The following PIR variants were observed in gnomAD, a reference collection of about 807,000 sequenced individuals.
PIR encodes the protein pirin (iron-binding nuclear protein).
PIR carries 22 observed loss-of-function variants against 24.2 expected under a neutral mutation model. The observed-to-expected ratio is 0.91, with a 90% CI of 0.65 to 1.30. PIR has a LOEUF of 1.30. Ranked by LOEUF, PIR falls within the 50% of genes most tolerant of loss-of-function variation. The pLI, the probability that PIR is intolerant of heterozygous loss-of-function variation, is 0.00. For synonymous variants in PIR, 80 were observed against 79.6 expected (o/e 1.00, Z -0.03); for missense variants, 220 against 220.3 (o/e 1.00, Z 0.01).
chrX:15,435,110 C>T (rs891952740), intron 5 of PIR, among the ~76,000 whole-genome samples: 5 of 110,128 alleles, frequency 4.5e-5, no homozygotes, highest in Non-Finnish European at 7.6e-5. Flanking sequence ...ACTTGGGAGG[C>T]TGAGGCAGGA....
chrX:15,480,165 G>A lies in PIR; in HGVS notation c.97-344C>T, dbSNP rs1336512757. ...ATGGTTTTAAAAATGGGAGTTTCTC[G>A]GCACAAACTCTTTTTTTTTGCCTGC... is the stretch of plus-strand genomic sequence containing the variant. On this transcript the variant is annotated intron_variant, in intron 2 of 9. Transcript: ENST00000380420. Among the ~76,000 whole-genome samples the A allele has an allele frequency of 2.0e-4, 10 of 49,508 alleles. No individual in the cohort carries two copies. In the South Asian group the frequency reaches 8.7e-3, roughly 43 times the overall value. The allele number at this position is 49,508 out of a possible 115,157, so 43.0% of individuals were successfully genotyped here.
intron 5 of PIR, 52 bp downstream of exon 5, chrX:15,455,796 G>T: frequency 2.0e-6 from 2 of 1,005,205 alleles, no homozygotes; most frequent in Non-Finnish European, 2.8e-6. Context: ...GAAGGGGCCA[G>T]CCTTATGTCA....
chrX:15,434,492 G>C (rs1326819809), intron 5 of PIR, among the ~76,000 whole-genome samples: 2 of 110,579 alleles, frequency 1.8e-5, no homozygotes, highest in African/African-American at 6.6e-5. Context: ...GAAGGAGAAG[G>C]AGATTACCAC....
intron 5 of PIR, among the ~76,000 whole-genome samples, chrX:15,443,330 T>A (rs1481356875): frequency 3.6e-5 from 4 of 111,697 alleles, no homozygotes; most frequent in Non-Finnish European, 7.5e-5. Flanking sequence ...TTACTGCTCA[T>A]TGACAATGCA....
At chrX:15,389,483 T>C (rs1202931933) in intron 9 of PIR, among the ~76,000 whole-genome samples, 2 of 112,129 alleles carry the variant, frequency 1.8e-5, no homozygotes, top group African/African-American at 6.5e-5. Context: ...CAATGGGATT[T>C]TAATGCACGT....
intron 5 of PIR, among the ~76,000 whole-genome samples, chrX:15,447,745 G>GA (rs1176779680): frequency 8.9e-6 from 1 of 112,034 alleles, no homozygotes; most frequent in African/African-American, 3.2e-5. Context: ...TCTGTGGTTA[G>GA]AAAAAATATG....
intron 3 of PIR, among the ~76,000 whole-genome samples, chrX:15,467,266 AAAC>A (rs1239568278): frequency 1.8e-5 from 2 of 112,662 alleles, no homozygotes; most frequent in Non-Finnish European, 3.8e-5. Flanking sequence ...CAAAGATCTA[AAAC>A]AACATTATCT....
intron 5 of PIR, among the ~76,000 whole-genome samples, chrX:15,433,544 G>GAAAGAA (rs780968509): frequency 0.091 from 5,363 of 58,615 alleles, 538 homozygotes; most frequent in East Asian, 0.11. Context: ...AAGAAAGAAA[G>GAAAGAA]AGAGAGAAAG....
intron 5 of PIR, among the ~76,000 whole-genome samples, chrX:15,451,034 G>A (rs1002121262): frequency 9.0e-6 from 1 of 111,426 alleles, no homozygotes. Context: ...GATTATTACA[G>A]GCTTGATTAT....
At chrX:15,488,292 AAAAAAAAAG>A (rs1922961735) in intron 2 of PIR, among the ~76,000 whole-genome samples, 12 of 80,686 alleles carry the variant, frequency 1.5e-4, no homozygotes, top group East Asian at 1.2e-3. Context: ...AAAAAAAAAA[AAAAAAAAAG>A]AAAAGAAAGA....
intron 5 of PIR, among the ~76,000 whole-genome samples, chrX:15,433,130 G>C (rs1925565543): frequency 8.9e-6 from 1 of 112,336 alleles, no homozygotes. Context: ...AGCTCAAAGG[G>C]GAGGCTTGTA....
intron 5 of PIR, among the ~76,000 whole-genome samples, chrX:15,428,835 A>G (rs1004204551): frequency 9.0e-6 from 1 of 111,699 alleles, no homozygotes; most frequent in Non-Finnish European, 1.9e-5. Context: ...CTGCTGACCA[A>G]CGAAACACTT....
chrX:15,466,737 G>T (rs1921617494), intron 3 of PIR, among the ~76,000 whole-genome samples: 1 of 111,622 alleles, frequency 9.0e-6, no homozygotes, highest in South Asian at 3.8e-4. Context: ...CCCATTCGTG[G>T]ATCTTCATTC....
intron 5 of PIR, among the ~76,000 whole-genome samples, chrX:15,455,604 G>A (rs1921048669): frequency 8.9e-6 from 1 of 112,419 alleles, no homozygotes; most frequent in Admixed American, 9.4e-5. Context: ...GACATACTTT[G>A]AAAATTGCTC....
chrX:15,423,963 G>A (rs1216161631), intron 6 of PIR, among the ~76,000 whole-genome samples: 1 of 112,203 alleles, frequency 8.9e-6, no homozygotes, highest in Non-Finnish European at 1.9e-5. Flanking sequence ...CTTGTATACA[G>A]TCAGTGAGAA....
At chrX:15,397,019 C>G (rs903369111) in intron 8 of PIR, among the ~76,000 whole-genome samples, 1 of 112,361 alleles carries the variant, frequency 8.9e-6, no homozygotes, top group Admixed American at 9.4e-5. Context: ...CGATTACAGG[C>G]GTGAGCCACC....
At chrX:15,451,180 A>G (rs1197177033) in intron 5 of PIR, among the ~76,000 whole-genome samples, 1 of 111,699 alleles carries the variant, frequency 9.0e-6, no homozygotes, top group Non-Finnish European at 1.9e-5. Flanking sequence ...GGAGATATCC[A>G]CAAGAAATGC....
intron 6 of PIR, among the ~76,000 whole-genome samples, chrX:15,409,184 C>T (rs1194993846): frequency 9.5e-6 from 1 of 105,110 alleles, no homozygotes; most frequent in Non-Finnish European, 2.0e-5. Context: ...CTGCAAGCTC[C>T]GCCTCCCGGG....
At chrX:15,433,179 G>T (rs1277261995) in intron 5 of PIR, among the ~76,000 whole-genome samples, 1 of 111,861 alleles carries the variant, frequency 8.9e-6, no homozygotes, top group Non-Finnish European at 1.9e-5. Flanking sequence ...ACTATACATG[G>T]TATCTAAATC....
Sources: gnomAD v4.1 joint callset for allele counts (sites outside exome capture counted in the v4.1 genomes callset) on GRCh38, gnomAD v4.1.1 for gene constraint, MANE v1.5 for transcripts, NCBI Gene and HGNC (gene_info 2026-07-23, HGNC 2026-07-21) for gene names.